ST3GAL1: variants seen among roughly 807,000 people sequenced by gnomAD.
ST3GAL1 encodes CMP-N-acetylneuraminate-beta-galactosamide-alpha-2,3-sialyltransferase 1.
In ST3GAL1, 16 loss-of-function variants were observed where a neutral mutation model predicts 34.1. The observed-to-expected ratio is 0.47, with a 90% confidence interval of 0.32 to 0.71. The LOEUF (loss-of-function observed/expected upper bound fraction) is 0.71. Ranked by LOEUF, ST3GAL1 falls within the 30% of genes least tolerant of loss-of-function variation. ST3GAL1 has a pLI of 0.04. For missense variants in ST3GAL1, 353 were observed against 447.4 expected (o/e 0.79, Z 1.90); for synonymous variants, 191 against 184.7 (o/e 1.03, Z -0.28).
At chr8:133,541,130 G>T (rs1457082399) in intron 2 of ST3GAL1, among the ~76,000 whole-genome samples, 15 of 131,400 alleles carry the variant, frequency 1.1e-4, no homozygotes, top group African/African-American at 3.5e-4. Flanking sequence ...TAGAGAGAGA[G>T]AGAGAGAGAG....
chr8:133,566,127 C>A (rs1819392818), intron 1 of ST3GAL1, among the ~76,000 whole-genome samples: 1 of 152,226 alleles, frequency 6.6e-6, no homozygotes, highest in African/African-American at 2.4e-5. Context: ...CTCCTGGTAA[C>A]AGTGCTTTGG....
chr8:133,549,955 T>C (rs1818794399), intron 1 of ST3GAL1, among the ~76,000 whole-genome samples: 1 of 150,578 alleles, frequency 6.6e-6, no homozygotes, highest in African/African-American at 2.4e-5. Flanking sequence ...AGAGTGAAAC[T>C]CTGTCTCAAA....
At chr8:133,525,115 G>A (rs760040104) in intron 2 of ST3GAL1, among the ~76,000 whole-genome samples, 2 of 152,228 alleles carry the variant, frequency 1.3e-5, no homozygotes, top group Non-Finnish European at 2.9e-5. Context: ...CAGACAACTG[G>A]AGGGTGAGCA....
intron 5 of ST3GAL1, among the ~76,000 whole-genome samples, chr8:133,470,157 C>T (rs1382375934): frequency 2.6e-5 from 4 of 152,174 alleles, no homozygotes; most frequent in Admixed American, 6.5e-5. Flanking sequence ...CGGTGGCTCA[C>T]GCCTGTAATC....
chr8:133,516,346 C>G (rs1009488072), intron 2 of ST3GAL1: 1 of 152,198 alleles, frequency 6.6e-6, no homozygotes, highest in Non-Finnish European at 1.5e-5. Flanking sequence ...AAGCAGATGC[C>G]AGTGCTATGC....
At chr8:133,494,835 G>A (rs1418838507) in intron 3 of ST3GAL1, among the ~76,000 whole-genome samples, 4 of 151,806 alleles carry the variant, frequency 2.6e-5, no homozygotes, top group Non-Finnish European at 5.9e-5. Context: ...AATTCAGGGT[G>A]CTGGGTCACA....
intron 2 of ST3GAL1, among the ~76,000 whole-genome samples, chr8:133,518,394 TA>T (rs1362166104): frequency 1.3e-5 from 2 of 152,348 alleles, no homozygotes; most frequent in East Asian, 3.9e-4. Context: ...CCCCGTGTAA[TA>T]AAGTCCCCAT....
At chr8:133,503,520 C>T (rs4736687) in intron 2 of ST3GAL1, among the ~76,000 whole-genome samples, 65,553 of 151,424 alleles carry the variant, frequency 0.43, 14,596 homozygotes, top group Middle Eastern at 0.52. Context: ...TTCCTTCCTC[C>T]CTCCGTCCAG....
rs1352675991 is a variant in ST3GAL1, at chr8:133,508,642, G to C, written c.-428-9453C>G. Among the ~76,000 whole-genome samples, 1 of 151,908 alleles carries C rather than the reference G, an allele frequency of 6.6e-6. No individual in the cohort carries two copies. Among genetic ancestry groups the C allele is most frequent in the Non-Finnish European group, 1.5e-5 (1 of 67,984 alleles). On this transcript the variant is annotated intron_variant, in intron 2 of 9. Transcript: ENST00000522652. The surrounding 1 kb of genome is among the most constrained non-coding windows in gnomAD (Gnocchi z 4.1). Reference sequence around the variant, plus strand: ...TTCAGAGACCTTTCTCAAGAGCTGGGAGGATCCTCTATAACCACCGAGTCC... The same window carrying C: ...TTCAGAGACCTTTCTCAAGAGCTGGCAGGATCCTCTATAACCACCGAGTCC...
intron 3 of ST3GAL1, among the ~76,000 whole-genome samples, chr8:133,498,143 C>A (rs774039774): frequency 2.6e-5 from 4 of 152,220 alleles, no homozygotes; most frequent in African/African-American, 9.7e-5. Context: ...CAGGAACTGG[C>A]GCTCGACAGT....
intron 1 of ST3GAL1, among the ~76,000 whole-genome samples, chr8:133,566,283 G>A (rs541210322): frequency 6.6e-6 from 1 of 152,308 alleles, no homozygotes; most frequent in Non-Finnish European, 1.5e-5. Context: ...CTTCCAGGCG[G>A]ATCATTCACA....
At chr8:133,536,777 A>G (rs915842969) in intron 2 of ST3GAL1, among the ~76,000 whole-genome samples, 1 of 152,184 alleles carries the variant, frequency 6.6e-6, no homozygotes, top group East Asian at 1.9e-4. Context: ...TTGAGTCCTC[A>G]CAGAACTCTC....
chr8:133,484,244 T>A lies in ST3GAL1; in HGVS notation c.-373-7644A>T, dbSNP rs377227968. Among the ~76,000 whole-genome samples the A allele has an allele frequency of 9.8e-5, 15 of 152,318 alleles. No homozygotes were observed. The South Asian group carries it at 1.2e-3, about 13-fold the overall frequency. ...TTGGGTAGGGACCTCGTCTACCTCA[T>A]CAGGCTCAGGGCCTGCACCAGCAAG... On this transcript the variant is annotated intron_variant, in intron 3 of 9. Transcript: ENST00000522652.
intron 1 of ST3GAL1, among the ~76,000 whole-genome samples, chr8:133,546,629 T>C (rs1015825139): frequency 2.0e-5 from 3 of 152,130 alleles, no homozygotes; most frequent in East Asian, 3.9e-4. Flanking sequence ...AAAATAAATA[T>C]GTAAGATATG....
Position 133,465,914 on chromosome 8 carries a change from G to GT in ST3GAL1, c.482dup (p.Asp161GlufsTer18). ...CTCACCTGAGGACAAAGTCGTGACT[G>GT]TCTATCTCAGGCCCATAAGAAGACT... On this transcript the variant is annotated frameshift_variant, in exon 6 of 10. Coordinates refer to ENST00000522652, the MANE Select transcript of ST3GAL1 (RefSeq NM_173344.3). LOFTEE classifies it high-confidence loss of function. The GT allele has an allele frequency of 6.2e-7, 1 of 1,614,094 alleles. No homozygotes were observed. The highest frequency in any genetic ancestry group is 8.5e-7 in the Non-Finnish European group (1 of 1,179,978).
chr8:133,557,821 C>T (rs1819101210), intron 1 of ST3GAL1, among the ~76,000 whole-genome samples: 1 of 149,228 alleles, frequency 6.7e-6, no homozygotes, highest in Non-Finnish European at 1.5e-5. Context: ...AGGAGAATTG[C>T]TTGAATCTGG....
intron 1 of ST3GAL1, among the ~76,000 whole-genome samples, chr8:133,547,002 C>T (rs1196480934): frequency 2.2e-5 from 2 of 89,610 alleles, no homozygotes; most frequent in Non-Finnish European, 3.9e-5. Context: ...GACTCCATCT[C>T]AGGAAAAAAA....
At chr8:133,546,594 A>C (rs1818679182) in intron 1 of ST3GAL1, among the ~76,000 whole-genome samples, 1 of 152,222 alleles carries the variant, frequency 6.6e-6, no homozygotes, top group Non-Finnish European at 1.5e-5. Context: ...GCTGTTTAGT[A>C]AAAACACAAA....
Position 133,570,762 on chromosome 8 carries a change from C to T in ST3GAL1, c.-582+931G>A, listed in dbSNP as rs1277288718. ...CGCCACCGTCCCGATTCCAAACTAA[C>T]TGTACCCTCACCAGAGCGCCTCGCC... On this transcript the variant is annotated intron_variant, in intron 1 of 9. Transcript: ENST00000522652. This position sits in a 1 kb window ranked among gnomAD's most constrained non-coding sequence, Gnocchi z 5.6. Among the ~76,000 whole-genome samples, 2 of 152,222 alleles carry T rather than the reference C, an allele frequency of 1.3e-5. No individual in the cohort carries two copies. The highest frequency in any genetic ancestry group is 4.8e-5 in the African/African-American group (2 of 41,460).
Sources: gnomAD v4.1 joint callset for allele counts (sites outside exome capture counted in the v4.1 genomes callset) on GRCh38, gnomAD v4.1.1 for gene constraint, Gnocchi (gnomAD v3.1) non-coding constraint, MANE v1.5 for transcripts, NCBI Gene and HGNC (gene_info 2026-07-23, HGNC 2026-07-21) for gene names.